The following RHBDL3 variants were observed in gnomAD, a reference collection of about 807,000 sequenced individuals.
RHBDL3 encodes the protein rhomboid-related protein 3.
In RHBDL3, 28 loss-of-function variants were observed where a neutral mutation model predicts 48.2. That is an observed-to-expected ratio of 0.58 (90% CI 0.43 to 0.80). RHBDL3 has a LOEUF of 0.80. Ranked by LOEUF, RHBDL3 falls within the 30% of genes least tolerant of loss-of-function variation. The pLI, the probability that RHBDL3 is intolerant of heterozygous loss-of-function variation, is 0.00. For missense variants in RHBDL3, 464 were observed against 542.7 expected, an observed-to-expected ratio of 0.85 and a Z score of 1.44; for synonymous variants, 208 against 232.3, an observed-to-expected ratio of 0.90 and a Z score of 0.95.
intron 2 of RHBDL3, among the ~76,000 whole-genome samples, chr17:32,269,391 G>A (rs1039255734): frequency 6.6e-6 from 1 of 152,210 alleles, no homozygotes; most frequent in Non-Finnish European, 1.5e-5. Context: ...GAGACGTTTG[G>A]CAAAAATGAC....
At chr17:32,313,624 AT>A (rs1166781117) in intron 7 of RHBDL3, among the ~76,000 whole-genome samples, 1 of 151,958 alleles carries the variant, frequency 6.6e-6, no homozygotes, top group African/African-American at 2.4e-5. Context: ...GTCTCCATGA[AT>A]TTAATTACTC....
rs2150752110 is a variant in RHBDL3 at position 32,313,650 on chromosome 17, G to C, written c.883-2582G>C. On this transcript the variant is annotated intron_variant, in intron 7 of 8. Transcript: ENST00000269051. ...TTTAATTACTCTATACTTCATCTAA[G>C]TGGAATCATACAGTATTTAGCTTTC... Among the ~76,000 whole-genome samples the C allele has an allele frequency of 2.0e-5, 3 of 150,156 alleles. No homozygotes were observed. The South Asian group carries it at 6.3e-4, about 32-fold the overall frequency.
intron 1 of RHBDL3, among the ~76,000 whole-genome samples, chr17:32,267,083 G>C (rs1051822517): frequency 2.0e-5 from 3 of 152,144 alleles, no homozygotes; most frequent in African/African-American, 7.2e-5. Context: ...GTGAAAAACC[G>C]GGCAGACACC....
At chr17:32,284,484 G>A in intron 2 of RHBDL3, 175 bp from the exon 3 acceptor site, 4 of 599,636 alleles carry the variant, frequency 6.7e-6, no homozygotes, top group Non-Finnish European at 8.8e-6. Context: ...GGTCCTCCAG[G>A]ACATTCCTAT....
At chr17:32,298,676 C>G (rs1298164795) in intron 6 of RHBDL3, among the ~76,000 whole-genome samples, 1 of 152,228 alleles carries the variant, frequency 6.6e-6, no homozygotes, top group African/African-American at 2.4e-5. Flanking sequence ...GTGAGTGGAG[C>G]CAGGTACCAC....
chr17:32,305,876 C>T (rs1330902798), intron 7 of RHBDL3, among the ~76,000 whole-genome samples: 2 of 151,270 alleles, frequency 1.3e-5, no homozygotes, highest in Non-Finnish European at 2.9e-5. Context: ...CGAGATCGCG[C>T]CACTGCACTC....
intron 2 of RHBDL3, among the ~76,000 whole-genome samples, chr17:32,276,795 CCT>C (rs2039917891): frequency 9.8e-6 from 1 of 101,770 alleles, no homozygotes; most frequent in Non-Finnish European, 1.8e-5. Flanking sequence ...GGCCCTAGCA[CCT>C]TACTCCGGCC....
chr17:32,268,463 C>A (rs1317011161), intron 2 of RHBDL3, among the ~76,000 whole-genome samples: 2 of 152,190 alleles, frequency 1.3e-5, no homozygotes, highest in Non-Finnish European at 2.9e-5. Context: ...TGATTCTTCG[C>A]AATGCCTGGA....
chr17:32,320,306 C>A (rs796464728), intron 8 of RHBDL3, among the ~76,000 whole-genome samples: 1 of 151,950 alleles, frequency 6.6e-6, no homozygotes, highest in Non-Finnish European at 1.5e-5. Context: ...GTCAATTCAG[C>A]AGTTTGTTGG....
At chr17:32,308,994 A>C (rs1387924337) in intron 7 of RHBDL3, among the ~76,000 whole-genome samples, 3 of 150,670 alleles carry the variant, frequency 2.0e-5, no homozygotes, top group Non-Finnish European at 4.4e-5. Context: ...TGAACCTAGG[A>C]GGCAGAGGTT....
intron 2 of RHBDL3, among the ~76,000 whole-genome samples, chr17:32,270,282 A>G (rs55651053): frequency 0.3 from 46,055 of 151,684 alleles, 7,211 homozygotes; most frequent in Middle Eastern, 0.4. Flanking sequence ...GGTGGCTAGA[A>G]CCAGTCAAGT....
At chr17:32,315,552 G>A (rs1169813556) in intron 7 of RHBDL3, among the ~76,000 whole-genome samples, 1 of 152,134 alleles carries the variant, frequency 6.6e-6, no homozygotes, top group Non-Finnish European at 1.5e-5. Context: ...CTCCTCTGGA[G>A]CATCCTTTCC....
At chr17:32,288,726 G>C in intron 3 of RHBDL3, 66 bp from the exon 4 acceptor site, 1 of 1,201,704 alleles carries the variant, frequency 8.3e-7, no homozygotes, top group Non-Finnish European at 1.2e-6. Context: ...ATGCTGGCTG[G>C]GAAGTGGGTG....
intron 1 of RHBDL3, chr17:32,267,656 C>A: frequency 4.4e-6 from 1 of 225,656 alleles, no homozygotes; most frequent in Non-Finnish European, 8.6e-6. Flanking sequence ...ACCCACCTTG[C>A]CGCCCCCGCC....
chr17:32,288,944 C>T lies in RHBDL3; in HGVS notation c.447C>T (p.Asp149=). The T allele has an allele frequency of 6.2e-7, 1 of 1,614,240 alleles. No homozygotes were observed. The highest frequency in any genetic ancestry group is 8.5e-7 in the Non-Finnish European group (1 of 1,180,048). ...ATGAGACCCTGCCCCGGGAAATTGA[C>T]CGCAAGTGGTACTATGACAGCTACA... ...VAYETLPREI[D]RKWYYDSYTC... The change falls in exon 4 of 9, where the codon GAC becomes GAT. Residue 149 remains aspartate, a synonymous_variant. Transcript: ENST00000269051.
At chr17:32,271,541 T>G (rs1416959492) in intron 2 of RHBDL3, among the ~76,000 whole-genome samples, 1 of 152,174 alleles carries the variant, frequency 6.6e-6, no homozygotes, top group Non-Finnish European at 1.5e-5. Context: ...AAAGGCCAAA[T>G]AGCGGGGCAG....
At chr17:32,284,296 CCTT>C (rs2040141273) in intron 2 of RHBDL3, 1 of 173,754 alleles carries the variant, frequency 5.8e-6, no homozygotes. Context: ...GCTGAAATGT[CCTT>C]CTCCTGCTGT....
chr17:32,310,574 G>A (rs550508164), intron 7 of RHBDL3, among the ~76,000 whole-genome samples: 61 of 152,216 alleles, frequency 4.0e-4, no homozygotes, highest in Non-Finnish European at 6.2e-4. Flanking sequence ...TTAGGTGGGC[G>A]TGGTGGCAGG....
chr17:32,284,603 AGTGTGAAGAGGAG>A lies in RHBDL3; in HGVS notation c.136-52_136-40del, dbSNP rs900560167. The A allele has an allele frequency of 7.7e-6, 12 of 1,553,806 alleles. No homozygotes were observed. The African/African-American group carries it at 1.6e-4, about 21-fold the overall frequency. Reference sequence around the variant, plus strand: ...TGGTGGAGATCAGGGCACCCACATCAGTGTGAAGAGGAGGTGGTGCCCTGCTGACCCTGCTGCT... The same window carrying A: ...TGGTGGAGATCAGGGCACCCACATCAGTGGTGCCCTGCTGACCCTGCTGCT... On this transcript the variant is annotated intron_variant, in intron 2 of 8. Transcript: ENST00000269051.
Sources: gnomAD v4.1 joint callset for allele counts (sites outside exome capture counted in the v4.1 genomes callset) on GRCh38, gnomAD v4.1.1 for gene constraint, MANE v1.5 for transcripts, NCBI Gene and HGNC (gene_info 2026-07-23, HGNC 2026-07-21) for gene names.